SDCBP: variants seen among roughly 807,000 people sequenced by gnomAD.
SDCBP encodes syntenin-1.
SDCBP carries 22 observed loss-of-function variants against 30.5 expected under a neutral mutation model. The observed-to-expected ratio is 0.72, with a 90% CI of 0.52 to 1.03. The LOEUF (loss-of-function observed/expected upper bound fraction) is 1.03, where lower values mean the gene tolerates loss of function less well. SDCBP is among the 50% of genes least tolerant of loss of function. The pLI is 0.00. For missense variants in SDCBP, 304 were observed against 369.9 expected (o/e 0.82, Z 1.46); for synonymous variants, 103 against 118.7 (o/e 0.87, Z 0.86).
chr8:58,579,818 G>T, intron 7 of SDCBP, 24 bp downstream of exon 7: 1 of 1,548,124 alleles, frequency 6.5e-7, no homozygotes. Flanking sequence ...TTTGTGCCAT[G>T]TTCTGCTGCA....
chr8:58,572,142 T>G, intron 3 of SDCBP, 63 bp from the exon 4 acceptor site: 43 of 945,728 alleles, frequency 4.5e-5, no homozygotes, highest in Non-Finnish European at 6.7e-5. Context: ...AAGCCCATAA[T>G]GAGAGAAGTT....
intron 8 of SDCBP, among the ~76,000 whole-genome samples, chr8:58,580,986 T>C (rs1222155894): frequency 6.6e-6 from 1 of 152,192 alleles, no homozygotes; most frequent in African/African-American, 2.4e-5. Flanking sequence ...GCTGGTGGAA[T>C]GCTAAGAGTA....
chr8:58,580,448 A>G (rs1805627591), intron 7 of SDCBP, 69 bp from the exon 8 acceptor site: 1 of 786,178 alleles, frequency 1.3e-6, no homozygotes, highest in African/African-American at 1.7e-5. Context: ...CTTTACCAAG[A>G]CTGGCATAGT....
intron 2 of SDCBP, among the ~76,000 whole-genome samples, chr8:58,569,656 C>T (rs1804910405): frequency 6.7e-6 from 1 of 149,996 alleles, no homozygotes; most frequent in Non-Finnish European, 1.5e-5. Flanking sequence ...TTTTTTTTTT[C>T]CCAGTGCCGC....
At chr8:58,557,942 AG>A (rs1804238352) in intron 1 of SDCBP, among the ~76,000 whole-genome samples, 1 of 152,204 alleles carries the variant, frequency 6.6e-6, no homozygotes. Flanking sequence ...AGTTACTTTC[AG>A]AATCCTCTTA....
Position 58,579,785 on chromosome 8 carries a change from T to C in SDCBP, c.741T>C (p.Ile247=), listed in dbSNP as rs1805579619. The C allele has an allele frequency of 6.2e-7, 1 of 1,608,406 alleles. No homozygotes were observed. The highest frequency in any genetic ancestry group is 1.3e-5 in the African/African-American group (1 of 74,802). Residue 247 remains isoleucine (I), a synonymous_variant, in exon 7 of 9, where the codon ATT becomes ATC. Coordinates refer to ENST00000260130, the MANE Select transcript of SDCBP (RefSeq NM_005625.4). Reference sequence around the variant, plus strand: ...GTGAAATCAATGGACAGAATGTCATTGGATTGAAGGTAAGGAACAGACTTT... The same window carrying C: ...GTGAAATCAATGGACAGAATGTCATCGGATTGAAGGTAAGGAACAGACTTT... ...NICEINGQNV[I]GLKDSQIADI... is the part of the protein sequence containing the mutation.
chr8:58,580,400 G>T, intron 7 of SDCBP, 117 bp from the exon 8 acceptor site: 1 of 602,468 alleles, frequency 1.7e-6, no homozygotes. Context: ...AGAAATACTA[G>T]AAAAAATTAG....
At chr8:58,553,555 CGGGCTGGGGCTGGGGCTG>C (rs569760705) in intron 1 of SDCBP, among the ~76,000 whole-genome samples, 1 of 147,594 alleles carries the variant, frequency 6.8e-6, no homozygotes, top group East Asian at 2.2e-4. Flanking sequence ...GGTTCCTGCC[CGGGCTGGGGCTGGGGCTG>C]GGGCTGGGGC....
intron 1 of SDCBP, among the ~76,000 whole-genome samples, chr8:58,559,781 G>A (rs757142368): frequency 5.3e-5 from 8 of 152,140 alleles, no homozygotes; most frequent in African/African-American, 7.2e-5. Flanking sequence ...TGAGAAATCC[G>A]GAAACTAGTT....
intron 1 of SDCBP, among the ~76,000 whole-genome samples, chr8:58,555,162 T>C (rs921450243): frequency 3.9e-5 from 6 of 152,232 alleles, no homozygotes; most frequent in African/African-American, 1.4e-4. Flanking sequence ...AGTCTTTTGC[T>C]GTTACACTCA....
In SDCBP at chr8:58,579,655, A is replaced by T; in HGVS notation, c.611A>T (p.Asp204Val). Residue 204 changes from aspartate (D) to valine (V), a missense_variant, in exon 7 of 9, where the codon GAT becomes GTT. Transcript: ENST00000260130. ...GAACGGACGATTACCATGCATAAGG[A>T]TAGCACTGGACATGTTGGTTTTATC... ...PFERTITMHK[D>V]STGHVGFIFK... The T allele has an allele frequency of 6.2e-7, 1 of 1,607,224 alleles. No homozygotes were observed. Among genetic ancestry groups the T allele is most frequent in the Non-Finnish European group, 8.5e-7 (1 of 1,177,318 alleles).
chr8:58,557,140 T>C (rs1804169834), intron 1 of SDCBP, among the ~76,000 whole-genome samples: 1 of 101,832 alleles, frequency 9.8e-6, no homozygotes, highest in Non-Finnish European at 1.7e-5. Flanking sequence ...ATATATTATA[T>C]ACAATATTAT....
chr8:58,556,214 G>A (rs944122874), intron 1 of SDCBP, among the ~76,000 whole-genome samples: 1 of 152,214 alleles, frequency 6.6e-6, no homozygotes, highest in Non-Finnish European at 1.5e-5. Context: ...CCACGGACGG[G>A]ATAGGTGGAT....
At chr8:58,562,075 A>T (rs1804469602) in intron 1 of SDCBP, among the ~76,000 whole-genome samples, 1 of 132,236 alleles carries the variant, frequency 7.6e-6, no homozygotes, top group South Asian at 2.7e-4. Context: ...CATATCTATT[A>T]AAAAAAAAAA....
chr8:58,566,194 A>C lies in SDCBP; in HGVS notation c.51+1110A>C, dbSNP rs139473731. Among the ~76,000 whole-genome samples the C allele has an allele frequency of 4.6e-5, 7 of 152,230 alleles. No homozygotes were observed. In the East Asian group the frequency reaches 1.4e-3, roughly 29 times the overall value. The stretch of plus-strand genomic sequence containing the variant: ...TTCCACATAGTTCATCTAAACAAGC[A>C]CTTTTCTTTTTAAAAGGCCTTTATC... On this transcript the variant is annotated intron_variant, in intron 2 of 8. Coordinates refer to ENST00000260130, the MANE Select transcript of SDCBP (RefSeq NM_005625.4).
At chr8:58,575,157 A>C (rs1176832567) in intron 4 of SDCBP, among the ~76,000 whole-genome samples, 1 of 152,128 alleles carries the variant, frequency 6.6e-6, no homozygotes, top group African/African-American at 2.4e-5. Context: ...TTTCACTTGG[A>C]ATAATATTCT....
Position 58,572,204 on chromosome 8 carries a change from G to T in SDCBP, c.131-1G>T. On this transcript the variant is annotated splice_acceptor_variant, in intron 3 of 8. Coordinates refer to ENST00000260130, the MANE Select transcript of SDCBP (RefSeq NM_005625.4). LOFTEE classifies it high-confidence loss of function. Reference sequence around the variant, plus strand: ...TTTTAATTTATTCATTTACTTTTTAGATCTCTATCCCAGACTGTATCCAGA... The same window carrying T: ...TTTTAATTTATTCATTTACTTTTTATATCTCTATCCCAGACTGTATCCAGA... 1 of 1,566,932 alleles carries T rather than the reference G, an allele frequency of 6.4e-7. No homozygotes were observed.
chr8:58,579,718 G>C lies in SDCBP; in HGVS notation c.674G>C (p.Ser225Thr). ...NGKITSIVKD[S>T]SAARNGLLTE... The stretch of plus-strand genomic sequence containing the variant: ...AAAATAACATCCATAGTGAAAGATA[G>C]CTCTGCAGCCAGAAATGGTCTTCTC... Residue 225 changes from serine to threonine, a missense_variant, in exon 7 of 9, where the codon AGC becomes ACC. Physicochemically the swap from Ser to Thr is moderately conservative, Grantham distance 58. Transcript: ENST00000260130. The C allele has an allele frequency of 1.2e-6, 2 of 1,612,876 alleles. No homozygotes were observed. The highest frequency in any genetic ancestry group is 1.7e-5 in the Admixed American group (1 of 59,890).
intron 1 of SDCBP, among the ~76,000 whole-genome samples, chr8:58,564,372 AAAT>A (rs1223129210): frequency 3.3e-5 from 5 of 152,244 alleles, no homozygotes; most frequent in African/African-American, 1.2e-4. Context: ...ATTGTGTTTT[AAAT>A]TATTACAAAA....
Sources: gnomAD v4.1 joint callset for allele counts (sites outside exome capture counted in the v4.1 genomes callset) on GRCh38, gnomAD v4.1.1 for gene constraint, MANE v1.5 for transcripts, NCBI Gene and HGNC (gene_info 2026-07-23, HGNC 2026-07-21) for gene names.